The following MAD1L1 variants were observed in gnomAD, a reference collection of about 807,000 sequenced individuals.
The protein encoded by MAD1L1 is mitotic arrest deficient 1 like 1.
Under a neutral mutation model 96.9 loss-of-function variants are expected in MAD1L1, and 95 were observed. The observed-to-expected ratio is 0.98, with a 90% CI of 0.83 to 1.16. The LOEUF (loss-of-function observed/expected upper bound fraction) is 1.16, where lower values mean the gene tolerates loss of function less well. MAD1L1 is among the 50% of genes most tolerant of loss of function. MAD1L1 has a pLI of 0.00. For missense variants in MAD1L1, 1,007 were observed against 954.4 expected, an observed-to-expected ratio of 1.06 and a Z score of -0.73; for synonymous variants, 473 against 396.6, an observed-to-expected ratio of 1.19 and a Z score of -2.29.
At chr7:2,098,212 C>G (rs905899185) in intron 11 of MAD1L1, among the ~76,000 whole-genome samples, 45 of 152,324 alleles carry the variant, frequency 3.0e-4, no homozygotes, top group African/African-American at 1.0e-3. Flanking sequence ...AGGACTGGGG[C>G]TGACTGCACA....
At chr7:2,038,083 A>T in intron 12 of MAD1L1, among the ~76,000 whole-genome samples, 2 of 152,230 alleles carry the variant, frequency 1.3e-5, no homozygotes, top group African/African-American at 4.8e-5. Flanking sequence ...AAACTGTCTT[A>T]TTGCTGATAC....
At chr7:2,154,023 G>A (rs564510052) in intron 10 of MAD1L1, among the ~76,000 whole-genome samples, 11 of 152,312 alleles carry the variant, frequency 7.2e-5, no homozygotes, top group African/African-American at 1.9e-4. Flanking sequence ...AGGCGTGGTG[G>A]CACACGCCTG....
chr7:1,895,031 C>A (rs60587725), intron 18 of MAD1L1, among the ~76,000 whole-genome samples: 8,229 of 152,140 alleles, frequency 0.054, 527 homozygotes, highest in African/African-American at 0.15. Flanking sequence ...CAAGGTGGCA[C>A]GTGTCCTAGG....
chr7:1,883,842 G>A (rs1387763933), intron 18 of MAD1L1, among the ~76,000 whole-genome samples: 3 of 152,194 alleles, frequency 2.0e-5, no homozygotes, highest in East Asian at 1.9e-4. Context: ...CGAGTTCCAG[G>A]ACTCGACCGG....
intron 10 of MAD1L1, among the ~76,000 whole-genome samples, chr7:2,181,496 TA>T (rs1281813996): frequency 1.3e-5 from 2 of 152,222 alleles, no homozygotes; most frequent in Non-Finnish European, 2.9e-5. Context: ...GATACCACCT[TA>T]ATCCTGCCAG....
At chr7:2,013,018 T>C (rs1344860853) in intron 13 of MAD1L1, among the ~76,000 whole-genome samples, 1 of 152,216 alleles carries the variant, frequency 6.6e-6, no homozygotes, top group Non-Finnish European at 1.5e-5. Flanking sequence ...CAATCCTTTC[T>C]CCAGAAATTC....
intron 18 of MAD1L1, among the ~76,000 whole-genome samples, chr7:1,890,943 C>A (rs1315110355): frequency 6.6e-6 from 1 of 152,198 alleles, no homozygotes; most frequent in African/African-American, 2.4e-5. Flanking sequence ...AATGCGGGAC[C>A]CCAGCAAGAT....
chr7:1,868,004 G>A (rs1283435306), intron 18 of MAD1L1, among the ~76,000 whole-genome samples: 1 of 152,178 alleles, frequency 6.6e-6, no homozygotes, highest in African/African-American at 2.4e-5. Context: ...TGTGTGGCCA[G>A]TGCCCTGCCC....
chr7:1,825,883 A>C (rs1255625886), intron 18 of MAD1L1, among the ~76,000 whole-genome samples: 1 of 151,650 alleles, frequency 6.6e-6, no homozygotes, highest in Non-Finnish European at 1.5e-5. Context: ...CCCTGGGATG[A>C]GCACAGTCCC....
chr7:2,028,344 G>A (rs568548361), intron 12 of MAD1L1, among the ~76,000 whole-genome samples: 4 of 147,316 alleles, frequency 2.7e-5, no homozygotes, highest in East Asian at 4.0e-4. Flanking sequence ...AGAATGGCGC[G>A]AACCCAGGAG....
At position 2,154,046 on chromosome 7, in the gene MAD1L1, C is replaced by T. The variant is rs192377095; in HGVS notation, c.987-4808G>A. 2.5e-3 allele frequency among the ~76,000 whole-genome samples: 385 copies of T among 152,292 alleles called. 1 individual carries two copies. Among genetic ancestry groups the T allele is most frequent in the Middle Eastern group, 6.8e-3 (2 of 294 alleles). On this transcript the variant is annotated intron_variant, in intron 10 of 18. Coordinates refer to ENST00000265854, the MANE Select transcript of MAD1L1 (RefSeq NM_001013836.2). ...TGGCACACGCCTGTAATCCCAGCTACTCAGGAGGCTGAGGCAGGAGAATCA... is the reference window on the plus strand; with the variant it reads ...TGGCACACGCCTGTAATCCCAGCTATTCAGGAGGCTGAGGCAGGAGAATCA...
At chr7:1,908,712 T>G (rs1787828445) in intron 17 of MAD1L1, among the ~76,000 whole-genome samples, 1 of 152,194 alleles carries the variant, frequency 6.6e-6, no homozygotes, top group Admixed American at 6.5e-5. Flanking sequence ...TCAGCACTGC[T>G]GTGGAGAAGC....
At chr7:1,936,536 C>T in intron 17 of MAD1L1, 151 bp downstream of exon 17, 1 of 799,948 alleles carries the variant, frequency 1.3e-6, no homozygotes. Context: ...GGTGCTCTGC[C>T]CCAGCAACCA....
intron 9 of MAD1L1, among the ~76,000 whole-genome samples, chr7:2,215,586 C>CAGCAAGAG (rs1244505570): frequency 1.4e-4 from 21 of 152,224 alleles, no homozygotes; most frequent in Non-Finnish European, 2.8e-4. Context: ...TCTCCACACC[C>CAGCAAGAG]AGCAAGAGCT....
At chr7:2,000,373 C>A (rs77849547) in intron 14 of MAD1L1, among the ~76,000 whole-genome samples, 1,549 of 152,294 alleles carry the variant, frequency 0.01, 31 homozygotes, top group African/African-American at 0.035. Flanking sequence ...GCCAGGCATC[C>A]TTTACGAATG....
At position 1,898,299 on chromosome 7, in the gene MAD1L1, G is replaced by C; in HGVS notation, c.1899C>G (p.Cys633Trp). 6.2e-7 allele frequency: 1 copy of C among 1,614,140 alleles called. No homozygotes were observed. ...QTKIQEFRKA[C>W]YTLTGYQIDI... is the part of the protein sequence containing the mutation. ...CGATCTGGTAGCCGGTGAGCGTGTAGCAGGCCTTGCGGAACTCCTGGATCT... is the reference window on the plus strand; with the variant it reads ...CGATCTGGTAGCCGGTGAGCGTGTACCAGGCCTTGCGGAACTCCTGGATCT... Residue 633 changes from cysteine (C) to tryptophan (W), a missense_variant, in exon 18 of 19, where the codon TGC becomes TGG. Cys to Trp is a radical substitution (Grantham distance 215, BLOSUM62 -2). Coordinates refer to ENST00000265854, the MANE Select transcript of MAD1L1 (RefSeq NM_001013836.2).
chr7:2,014,961 C>A (rs1046319606), intron 12 of MAD1L1, among the ~76,000 whole-genome samples: 12 of 152,230 alleles, frequency 7.9e-5, no homozygotes, highest in Admixed American at 7.8e-4. Context: ...GGAGCAGACG[C>A]CTCTGCCCCT....
chr7:1,892,188 T>G (rs115088250), intron 18 of MAD1L1, among the ~76,000 whole-genome samples: 2,738 of 152,302 alleles, frequency 0.018, 73 homozygotes, highest in African/African-American at 0.062. Flanking sequence ...TTCAGCACAG[T>G]CACGCACTGC....
chr7:2,139,464 C>G (rs942683793), intron 11 of MAD1L1, among the ~76,000 whole-genome samples: 1 of 152,224 alleles, frequency 6.6e-6, no homozygotes, highest in Non-Finnish European at 1.5e-5. Context: ...CAGCCCTGAG[C>G]TCTGTGTCCT....
Sources: allele counts gnomAD v4.1 joint callset (sites outside exome capture counted in the v4.1 genomes callset), GRCh38; gene constraint gnomAD v4.1.1; transcripts MANE v1.5; gene names NCBI Gene and HGNC (gene_info 2026-07-23, HGNC 2026-07-21).